The following GLIS3 variants were observed in gnomAD, a reference collection of about 807,000 sequenced individuals.
GLIS3 encodes the protein GLIS family zinc finger 3, also known as zinc finger protein GLIS3.
GLIS3 carries 53 observed loss-of-function variants against 78.6 expected under a neutral mutation model. The observed-to-expected ratio is 0.67, with a 90% CI of 0.54 to 0.85. The LOEUF (loss-of-function observed/expected upper bound fraction) is 0.85, where lower values mean the gene tolerates loss of function less well. Among genes scored for constraint, GLIS3 ranks in the 40% least tolerant of loss-of-function variants. The pLI, the probability that GLIS3 is intolerant of heterozygous loss-of-function variation, is 0.00. For missense variants in GLIS3, 1,703 were observed against 1,231.1 expected (o/e 1.38, Z -5.74); for synonymous variants, 684 against 509.9 (o/e 1.34, Z -4.60).
chr9:4,340,204 G>C (rs1315415629), intron 2 of GLIS3, among the ~76,000 whole-genome samples: 1 of 151,226 alleles, frequency 6.6e-6, no homozygotes, highest in Admixed American at 6.6e-5. Context: ...TTACCACAGG[G>C]GAACAGAGTT....
At chr9:4,055,401 C>T (rs1826063714) in intron 4 of GLIS3, among the ~76,000 whole-genome samples, 1 of 152,146 alleles carries the variant, frequency 6.6e-6, no homozygotes. Context: ...ACTGGCAAGC[C>T]CCTTTACTGA....
At chr9:4,279,324 T>TATACACACAC (rs1234969923) in intron 2 of GLIS3, among the ~76,000 whole-genome samples, 3 of 84,924 alleles carry the variant, frequency 3.5e-5, no homozygotes, top group African/African-American at 1.4e-4. Context: ...AATATATATA[T>TATACACACAC]ACACACACAC....
chr9:3,984,519 C>A (rs1819569931), intron 4 of GLIS3, among the ~76,000 whole-genome samples: 1 of 152,182 alleles, frequency 6.6e-6, no homozygotes, highest in Non-Finnish European at 1.5e-5. Context: ...AATGCCTGTA[C>A]CCCCATCATA....
At chr9:3,828,818 G>C (rs1588039465) in intron 10 of GLIS3, among the ~76,000 whole-genome samples, 1 of 152,158 alleles carries the variant, frequency 6.6e-6, no homozygotes, top group African/African-American at 2.4e-5. Context: ...AAGGGTGCTG[G>C]CAAAGCTCAG....
the GLIS3 span, among the ~76,000 whole-genome samples, chr9:4,461,134 T>C: frequency 1.3e-5 from 2 of 152,226 alleles, no homozygotes; most frequent in Admixed American, 6.5e-5. Context: ...CTCTCACCTT[T>C]TAAATGAACC....
intron 1 of GLIS3, among the ~76,000 whole-genome samples, chr9:4,295,011 A>G (rs1816357209): frequency 6.6e-6 from 1 of 152,192 alleles, no homozygotes; most frequent in East Asian, 1.9e-4. Context: ...TTACAGTTGC[A>G]TGTTTCCTAG....
chr9:4,210,177 C>T (rs1167539989), intron 2 of GLIS3, among the ~76,000 whole-genome samples: 1 of 152,160 alleles, frequency 6.6e-6, no homozygotes, highest in Non-Finnish European at 1.5e-5. Context: ...GAGCCTAATT[C>T]CAGTAATAGA....
chr9:3,912,209 A>C (rs543861660), intron 6 of GLIS3, among the ~76,000 whole-genome samples: 1 of 152,194 alleles, frequency 6.6e-6, no homozygotes, highest in Non-Finnish European at 1.5e-5. Flanking sequence ...TTTTTACTCA[A>C]GAAGAGGCTA....
intron 10 of GLIS3, among the ~76,000 whole-genome samples, chr9:3,829,046 G>A (rs1817885959): frequency 2.6e-5 from 4 of 152,148 alleles, no homozygotes; most frequent in African/African-American, 4.8e-5. Context: ...GTAAAGATGA[G>A]GAATCAGGTC....
At chr9:4,136,864 T>C (rs1377506014) in intron 2 of GLIS3, among the ~76,000 whole-genome samples, 1 of 152,216 alleles carries the variant, frequency 6.6e-6, no homozygotes, top group East Asian at 1.9e-4. Context: ...TGGCTACATA[T>C]TGGCATCACC....
chr9:3,983,682 G>C (rs1036745382), intron 4 of GLIS3, among the ~76,000 whole-genome samples: 1 of 152,198 alleles, frequency 6.6e-6, no homozygotes, highest in African/African-American at 2.4e-5. Flanking sequence ...AAAGAGAGTA[G>C]TGGCATTTTT....
intron 8 of GLIS3, among the ~76,000 whole-genome samples, chr9:3,864,740 G>A (rs967721892): frequency 1.3e-5 from 2 of 152,078 alleles, no homozygotes; most frequent in African/African-American, 4.8e-5. Flanking sequence ...CATTTGACTA[G>A]AGAAATGAAT....
upstream of GLIS3, among the ~76,000 whole-genome samples, chr9:4,304,679 G>C (rs891149985): frequency 6.6e-6 from 1 of 152,210 alleles, no homozygotes; most frequent in Non-Finnish European, 1.5e-5. Flanking sequence ...TGATACCTCA[G>C]AATAATTGAG....
At chr9:4,031,034 G>T (rs529601489) in intron 4 of GLIS3, among the ~76,000 whole-genome samples, 4 of 152,106 alleles carry the variant, frequency 2.6e-5, no homozygotes, top group African/African-American at 9.7e-5. Context: ...TTGAACATTC[G>T]TGCACTGCTG....
At chr9:3,956,976 C>T (rs914065664) in intron 4 of GLIS3, among the ~76,000 whole-genome samples, 1 of 152,226 alleles carries the variant, frequency 6.6e-6, no homozygotes, top group Non-Finnish European at 1.5e-5. Flanking sequence ...CGTCTAAGAG[C>T]TCCATCCTTG....
chr9:4,413,840 G>T, the GLIS3 span, among the ~76,000 whole-genome samples: 1 of 152,056 alleles, frequency 6.6e-6, no homozygotes, highest in South Asian at 2.1e-4. Flanking sequence ...CTAAAACCCT[G>T]TAAAATTTAA....
chr9:4,399,833 G>C, the GLIS3 span, among the ~76,000 whole-genome samples: 4 of 152,166 alleles, frequency 2.6e-5, no homozygotes, highest in East Asian at 7.7e-4. Context: ...AGTTTACTTT[G>C]AGGCATGATG....
intron 2 of GLIS3, among the ~76,000 whole-genome samples, chr9:4,196,168 G>C (rs541962224): frequency 1.3e-5 from 2 of 152,092 alleles, no homozygotes; most frequent in African/African-American, 4.8e-5. Flanking sequence ...TTTATGTCTA[G>C]GAGAACTTTC....
At chr9:4,133,366 G>C (rs1833121025) in intron 2 of GLIS3, among the ~76,000 whole-genome samples, 1 of 152,190 alleles carries the variant, frequency 6.6e-6, no homozygotes, top group Non-Finnish European at 1.5e-5. Context: ...CATAGGTTTT[G>C]AGACTCCCAT....
Sources: gnomAD v4.1 joint callset for allele counts (sites outside exome capture counted in the v4.1 genomes callset) on GRCh38, gnomAD v4.1.1 for gene constraint, MANE v1.5 for transcripts, NCBI Gene and HGNC (gene_info 2026-07-23, HGNC 2026-07-21) for gene names.